Variants in RRAGC observed in about 807,000 individuals in gnomAD.
RRAGC encodes Ras related GTP binding C, also known as ras-related GTP-binding protein C.
Under a neutral mutation model 37.1 loss-of-function variants are expected in RRAGC, and 8 were observed. The ratio of observed to expected loss-of-function variants is 0.22; its 90% CI spans 0.13 to 0.39. The LOEUF (loss-of-function observed/expected upper bound fraction) is 0.39, where lower values mean the gene tolerates loss of function less well. Among genes scored for constraint, RRAGC ranks in the 10% least tolerant of loss-of-function variants. RRAGC has a pLI of 1.00. For missense variants in RRAGC, 342 were observed against 497.6 expected (o/e 0.69, Z 2.98); for synonymous variants, 190 against 181.1 (o/e 1.05, Z -0.39).
chr1:38,847,326 G>C (rs779268048), intron 5 of RRAGC: 4 of 151,910 alleles, frequency 2.6e-5, no homozygotes, highest in Non-Finnish European at 4.4e-5. Context: ...AAAAAAATTT[G>C]GGGTCTGGCA....
chr1:38,848,512 A>G (rs767200446), intron 5 of RRAGC, among the ~76,000 whole-genome samples: 1 of 152,236 alleles, frequency 6.6e-6, no homozygotes, highest in Non-Finnish European at 1.5e-5. Flanking sequence ...CATTCTATTC[A>G]AAGTCTGGAG....
chr1:38,840,070 C>T (rs887501537), intron 6 of RRAGC, among the ~76,000 whole-genome samples: 7 of 151,218 alleles, frequency 4.6e-5, no homozygotes, highest in African/African-American at 1.5e-4. Context: ...ATGGCGTGAA[C>T]CTGGGAGGCA....
Position 38,841,383 on chromosome 1 carries a change from T to A in RRAGC, c.1049-1679A>T, listed in dbSNP as rs151250933. 2.2e-3 allele frequency among the ~76,000 whole-genome samples: 337 copies of A among 151,458 alleles called. 3 individuals carry two copies. The highest frequency in any genetic ancestry group is 3.4e-3 in the Non-Finnish European group (232 of 67,870). ...ATAAACAAAAATTTTTTTTTTTTTTTATAGACAGGGTCTCACTCTGACACC... is the reference window on the plus strand; with the variant it reads ...ATAAACAAAAATTTTTTTTTTTTTTAATAGACAGGGTCTCACTCTGACACC... On this transcript the variant is annotated intron_variant, in intron 6 of 6. Coordinates refer to ENST00000373001, the MANE Select transcript of RRAGC (RefSeq NM_022157.4).
intron 3 of RRAGC, 36 bp downstream of exon 3, chr1:38,855,672 G>T (rs1278146940): frequency 1.3e-6 from 2 of 1,528,704 alleles, no homozygotes; most frequent in South Asian, 2.2e-5. Context: ...TTTACACCTT[G>T]TTCAGGGCTT....
intron 6 of RRAGC, among the ~76,000 whole-genome samples, chr1:38,841,310 T>C (rs572010442): frequency 5.3e-5 from 8 of 152,174 alleles, no homozygotes; most frequent in East Asian, 3.9e-4. Context: ...GCTGAATGCA[T>C]AGGGACTCCT....
chr1:38,843,717 CAA>C (rs397951414), intron 6 of RRAGC, among the ~76,000 whole-genome samples: 12 of 71,896 alleles, frequency 1.7e-4, no homozygotes, highest in Admixed American at 4.2e-4. Flanking sequence ...GAGACTGTCT[CAA>C]AAAAAAAAAA....
chr1:38,847,777 G>GGCATA (rs1330681290), intron 5 of RRAGC: 2 of 152,230 alleles, frequency 1.3e-5, no homozygotes, highest in Non-Finnish European at 2.9e-5. Flanking sequence ...CCAGGCACAT[G>GGCATA]GCATACACCT....
chr1:38,839,694 G>A lies in RRAGC; in HGVS notation c.1059C>T (p.Asp353=), dbSNP rs755107856. 1 of 1,614,052 alleles carries A rather than the reference G, an allele frequency of 6.2e-7. No homozygotes were observed. The highest frequency in any genetic ancestry group is 1.1e-5 in the South Asian group (1 of 91,082). ...CTTTTCGGAAACAGTGGAAGTTGTA[G>A]TCTATTAAACCTGCAGGAAGGAAAA... ...EESFERKGLI[D]YNFHCFRKAI... is the part of the protein sequence containing the mutation. Residue 353 remains aspartate (D), a synonymous_variant, in exon 7 of 7, where the codon GAC becomes GAT. Coordinates refer to ENST00000373001, the MANE Select transcript of RRAGC (RefSeq NM_022157.4).
chr1:38,839,804 GAAATTCTTAA>G, intron 6 of RRAGC, 100 bp from the exon 7 acceptor site: 1 of 1,223,566 alleles, frequency 8.2e-7, no homozygotes, highest in Non-Finnish European at 1.2e-6. Flanking sequence ...ACACTGGTTG[GAAATTCTTAA>G]GCCTCCAAAC....
In RRAGC at chr1:38,846,077, C is replaced by A; in HGVS notation, c.910G>T (p.Asp304Tyr). 1 of 1,608,876 alleles carries A rather than the reference C, an allele frequency of 6.2e-7. No homozygotes were observed. Among genetic ancestry groups the A allele is most frequent in the Non-Finnish European group, 8.5e-7 (1 of 1,177,138 alleles). Residue 304 changes from aspartate to tyrosine, a missense_variant, in exon 6 of 7, where the codon GAT becomes TAT. Physicochemically the swap from Asp to Tyr is radical, Grantham distance 160 (BLOSUM62 -3). Transcript: ENST00000373001. ...DVSCIYGLKE[D>Y]GSGSAYDKES... is the part of the protein sequence containing the mutation. ...TTGTCATAAGCACTTCCACTTCCAT[C>A]TTCCTTTAACCTATTTTAAAAGAAA...
Position 38,839,543 on chromosome 1 carries a change from G to A in RRAGC, c.*10C>T. The A allele has an allele frequency of 6.2e-7, 1 of 1,613,634 alleles. No individual in the cohort carries two copies. Among genetic ancestry groups the A allele is most frequent in the Non-Finnish European group, 8.5e-7 (1 of 1,179,682 alleles). ...TAAGCTGGCACAGAGCCCCGACGCT[G>A]GGATTCAGACTAGATGGCGTTTCGT... On this transcript the variant is annotated 3_prime_UTR_variant, in exon 7 of 7. Transcript: ENST00000373001.
chr1:38,845,452 G>A (rs1642016664), intron 6 of RRAGC, among the ~76,000 whole-genome samples: 1 of 152,050 alleles, frequency 6.6e-6, no homozygotes, highest in Non-Finnish European at 1.5e-5. Flanking sequence ...CAGGAAGGGG[G>A]ACATCACACA....
At chr1:38,845,033 T>C (rs897254231) in intron 6 of RRAGC, among the ~76,000 whole-genome samples, 7 of 151,540 alleles carry the variant, frequency 4.6e-5, no homozygotes, top group African/African-American at 1.7e-4. Flanking sequence ...GGTAGCAGTG[T>C]AAATTATTTC....
chr1:38,855,309 G>C (rs574087597), intron 3 of RRAGC, among the ~76,000 whole-genome samples: 1 of 152,320 alleles, frequency 6.6e-6, no homozygotes, highest in African/African-American at 2.4e-5. Context: ...TACTGAGAAA[G>C]ATACTGTCTA....
intron 1 of RRAGC, among the ~76,000 whole-genome samples, chr1:38,858,265 T>A (rs1264793791): frequency 6.6e-6 from 1 of 152,114 alleles, no homozygotes; most frequent in East Asian, 1.9e-4. Flanking sequence ...AATCACAGAT[T>A]TATTTTGGAT....
intron 5 of RRAGC, chr1:38,846,558 A>AT (rs1351409433): frequency 6.6e-6 from 1 of 152,544 alleles, no homozygotes; most frequent in Non-Finnish European, 1.5e-5. Context: ...CAGAAAACAT[A>AT]TTTTTTGCTT....
At chr1:38,839,876 G>C (rs759744156) in intron 6 of RRAGC, among the ~76,000 whole-genome samples, 172 bp from the exon 7 acceptor site, 1 of 151,808 alleles carries the variant, frequency 6.6e-6, no homozygotes, top group African/African-American at 2.4e-5. Flanking sequence ...GTCAGGTGCA[G>C]TGGCTCACGC....
Position 38,859,714 on chromosome 1 carries a change from C to T in RRAGC, c.-68G>A. On this transcript the variant is annotated 5_prime_UTR_variant, in exon 1 of 7. Coordinates refer to ENST00000373001, the MANE Select transcript of RRAGC (RefSeq NM_022157.4). Reference sequence around the variant, plus strand: ...AGGCCGAGCCAGGCCGCCGCCTCCCCAGTCCGCCTCCGCCGCCGCCGCCAC... The same window carrying T: ...AGGCCGAGCCAGGCCGCCGCCTCCCTAGTCCGCCTCCGCCGCCGCCGCCAC... 2 of 1,243,956 alleles carry T rather than the reference C, an allele frequency of 1.6e-6. No individual in the cohort carries two copies. Among genetic ancestry groups the T allele is most frequent in the African/African-American group, 1.6e-5 (1 of 63,760 alleles). 77.1% of individuals were successfully genotyped at this position (1,243,956 alleles called of 1,614,324 possible). A position where few individuals can be genotyped will look rare whatever the true frequency, so the allele number is the denominator to read the frequency against.
intron 3 of RRAGC, among the ~76,000 whole-genome samples, chr1:38,854,866 GTC>G (rs1197374945): frequency 6.6e-6 from 1 of 152,116 alleles, no homozygotes; most frequent in African/African-American, 2.4e-5. Flanking sequence ...ATAACTTGCT[GTC>G]TCTCTCCCCT....
Sources: allele counts gnomAD v4.1 joint callset (sites outside exome capture counted in the v4.1 genomes callset), GRCh38; gene constraint gnomAD v4.1.1; transcripts MANE v1.5; gene names NCBI Gene and HGNC (gene_info 2026-07-23, HGNC 2026-07-21).